Variants in NR1H4 observed in about 807,000 individuals in gnomAD.
NR1H4 encodes the protein bile acid receptor.
A neutral mutation model predicts 58.5 loss-of-function variants in NR1H4; 23 were observed. That is an observed-to-expected ratio of 0.39 (90% CI 0.28 to 0.56). The LOEUF is 0.56. Ranked by LOEUF, NR1H4 falls within the 20% of genes least tolerant of loss-of-function variation. The pLI is 0.58. For synonymous variants in NR1H4, 214 were observed against 198.0 expected, an observed-to-expected ratio of 1.08 and a Z score of -0.68; for missense variants, 487 against 576.9, an observed-to-expected ratio of 0.84 and a Z score of 1.60.
At chr12:100,540,276 A>G (rs1279837609) in intron 8 of NR1H4, among the ~76,000 whole-genome samples, 1 of 152,184 alleles carries the variant, frequency 6.6e-6, no homozygotes, top group East Asian at 1.9e-4. Context: ...AGTTAGCCAA[A>G]TATTCTGGGT....
rs898620734 is a variant in NR1H4 at position 100,503,289 on chromosome 12, A to T, written c.80-7489A>T. 1.7e-5 allele frequency: 24 copies of T among 1,424,856 alleles called. No individual in the cohort carries two copies. In the African/African-American group the frequency reaches 3.3e-4, roughly 19 times the overall value. 88.3% of individuals were successfully genotyped at this position (1,424,856 alleles called of 1,614,324 possible). A position where few individuals can be genotyped will look rare whatever the true frequency, so the allele number is the denominator to read the frequency against. On this transcript the variant is annotated intron_variant, in intron 3 of 10. Transcript: ENST00000392986. Reference sequence around the variant, plus strand: ...ACTTTCCTCATAAACATTTACAAATATTCTGCTCCGTAATGAAGTTAATCA... The same window carrying T: ...ACTTTCCTCATAAACATTTACAAATTTTCTGCTCCGTAATGAAGTTAATCA...
intron 4 of NR1H4, among the ~76,000 whole-genome samples, chr12:100,513,831 AGG>A (rs1566447608): frequency 1.4e-5 from 2 of 144,250 alleles, no homozygotes; most frequent in Non-Finnish European, 3.0e-5. Flanking sequence ...GAAGGAAGGA[AGG>A]AAGGAAGGAA....
intron 9 of NR1H4, among the ~76,000 whole-genome samples, chr12:100,549,535 C>T (rs999177175): frequency 2.0e-5 from 3 of 152,052 alleles, no homozygotes; most frequent in Admixed American, 2.0e-4. Context: ...AATGCAATAA[C>T]TGGGTGAGAA....
intron 1 of NR1H4, among the ~76,000 whole-genome samples, chr12:100,484,744 C>T (rs1953454421): frequency 6.6e-6 from 1 of 152,190 alleles, no homozygotes; most frequent in East Asian, 1.9e-4. Context: ...ACTGCTTCCC[C>T]TCCCCAGCCC....
chr12:100,543,546 G>A (rs755039900), intron 9 of NR1H4, among the ~76,000 whole-genome samples: 1 of 151,074 alleles, frequency 6.6e-6, no homozygotes, highest in African/African-American at 2.4e-5. Flanking sequence ...TATGGATTTT[G>A]GTTCTGGACA....
chr12:100,501,767 C>T (rs1953840020), intron 3 of NR1H4, among the ~76,000 whole-genome samples: 1 of 152,140 alleles, frequency 6.6e-6, no homozygotes. Flanking sequence ...ATCTTCAGAA[C>T]AGGCCTAAAT....
At chr12:100,561,397 C>CAA (rs530418565) in intron 9 of NR1H4, among the ~76,000 whole-genome samples, 1 of 150,868 alleles carries the variant, frequency 6.6e-6, no homozygotes, top group Non-Finnish European at 1.5e-5. Context: ...GACTCCATCT[C>CAA]AAAAAAAATA....
intron 1 of NR1H4, among the ~76,000 whole-genome samples, chr12:100,479,279 TCC>T (rs1953331384): frequency 6.6e-6 from 1 of 152,190 alleles, no homozygotes; most frequent in Non-Finnish European, 1.5e-5. Context: ...TCCTTCTCAA[TCC>T]CCAAATCCAT....
At position 100,563,288 on chromosome 12, in the gene NR1H4, G is replaced by A. The variant is rs755426056; in HGVS notation, c.1230G>A (p.Lys410=). ...TAAAGGATAGAGAGGCAGTAGAGAA[G>A]CTTCAGGAGCCACTTCTTGATGTGC... ...QYIKDREAVE[K]LQEPLLDVLQ... Residue 410 remains lysine (K), a synonymous_variant, in exon 11 of 11, where the codon AAG becomes AAA. Transcript: ENST00000392986. 20 of 1,613,968 alleles carry A rather than the reference G, an allele frequency of 1.2e-5. No individual in the cohort carries two copies. In the East Asian group the frequency reaches 4.2e-4, roughly 34 times the overall value.
Position 100,536,952 on chromosome 12 carries a change from A to T in NR1H4, c.836A>T (p.Lys279Ile), listed in dbSNP as rs757140505. 2 of 1,554,284 alleles carry T rather than the reference A, an allele frequency of 1.3e-6. No individual in the cohort carries two copies. Among genetic ancestry groups the T allele is most frequent in the Non-Finnish European group, 1.8e-6 (2 of 1,140,214 alleles). The change falls in exon 8 of 11, where the codon AAA becomes ATA. Residue 279 changes from lysine (K) to isoleucine (I), a missense_variant. Lys to Ile is a moderately radical substitution (Grantham distance 102). Transcript: ENST00000392986. Reference protein sequence around the residue: ...MPQEITNKILKEEFSAEENFL... With the variant: ...MPQEITNKILIEEFSAEENFL... ...GGTTTTTTTCTTAAAATTTAGTTAA[A>T]AGAAGAATTCAGTGCAGAAGAAAAT...
At chr12:100,494,310 G>A (rs886952513) in intron 3 of NR1H4, among the ~76,000 whole-genome samples, 8 of 152,034 alleles carry the variant, frequency 5.3e-5, no homozygotes, top group African/African-American at 1.7e-4. Flanking sequence ...TAGTTGATTA[G>A]GCCATTTCCA....
chr12:100,486,082 G>A lies in NR1H4; in HGVS notation c.-189-6421G>A, dbSNP rs140704126. ...AGCTTTACGGCAACCCTATTATTTC[G>A]ATTTAAATCCCCAATCAGGGGAGTG... On this transcript the variant is annotated intron_variant, in intron 1 of 10. Transcript: ENST00000392986. 1.9e-3 allele frequency among the ~76,000 whole-genome samples: 289 copies of A among 151,994 alleles called. 6 individuals carry two copies. Among genetic ancestry groups the A allele is most frequent in the East Asian group, 0.016 (82 of 5,170 alleles).
intron 9 of NR1H4, among the ~76,000 whole-genome samples, chr12:100,559,063 G>T (rs530526341): frequency 1.3e-5 from 2 of 152,356 alleles, no homozygotes; most frequent in South Asian, 4.1e-4. Context: ...GCAGGGGACA[G>T]GTCCTAGAGG....
intron 3 of NR1H4, chr12:100,505,670 C>T (rs1487208643): frequency 5.8e-6 from 4 of 694,846 alleles, no homozygotes; most frequent in South Asian, 1.5e-5. Flanking sequence ...AATCCTAATT[C>T]TCATACTCTT....
At chr12:100,509,810 CT>C (rs1438159990) in intron 3 of NR1H4, among the ~76,000 whole-genome samples, 4 of 152,164 alleles carry the variant, frequency 2.6e-5, no homozygotes, top group Non-Finnish European at 5.9e-5. Context: ...ATTATGCAAT[CT>C]TCTATCCCAG....
At chr12:100,527,729 G>A (rs1461679770) in intron 4 of NR1H4, among the ~76,000 whole-genome samples, 1 of 152,144 alleles carries the variant, frequency 6.6e-6, no homozygotes, top group African/African-American at 2.4e-5. Context: ...TCCCACCTAT[G>A]AGTGAGAACA....
At chr12:100,540,897 C>A in intron 9 of NR1H4, 79 bp downstream of exon 9, 2 of 1,325,154 alleles carry the variant, frequency 1.5e-6, no homozygotes, top group South Asian at 1.2e-5. Context: ...GGGCTCTTGC[C>A]AATCTTATGC....
chr12:100,552,580 C>T (rs755638610), intron 9 of NR1H4, among the ~76,000 whole-genome samples: 1 of 152,122 alleles, frequency 6.6e-6, no homozygotes, highest in Non-Finnish European at 1.5e-5. Flanking sequence ...TTATTAATCT[C>T]CTATTATGTC....
intron 4 of NR1H4, 76 bp from the exon 5 acceptor site, chr12:100,532,382 T>G: frequency 6.8e-7 from 1 of 1,468,144 alleles, no homozygotes; most frequent in Admixed American, 1.7e-5. Flanking sequence ...TGTCCTGGCA[T>G]CTCTCAATCC....
Sources: allele counts gnomAD v4.1 joint callset (sites outside exome capture counted in the v4.1 genomes callset), GRCh38; gene constraint gnomAD v4.1.1; transcripts MANE v1.5; gene names NCBI Gene and HGNC (gene_info 2026-07-23, HGNC 2026-07-21).